AMOTL2: variants seen among roughly 807,000 people sequenced by gnomAD.
The protein encoded by AMOTL2 is angiomotin-like protein 2.
A neutral mutation model predicts 78.4 loss-of-function variants in AMOTL2; 33 were observed. The ratio of observed to expected loss-of-function variants is 0.42; its 90% CI spans 0.32 to 0.56. AMOTL2 has a LOEUF of 0.56. Ranked by LOEUF, AMOTL2 falls within the 20% of genes least tolerant of loss-of-function variation. The probability of loss-of-function intolerance (pLI) is 0.12; values close to 1 mark genes in which losing one functional copy is unlikely to be tolerated. For missense variants in AMOTL2, 983 were observed against 1,030.1 expected, an observed-to-expected ratio of 0.95 and a Z score of 0.63; for synonymous variants, 422 against 428.8, an observed-to-expected ratio of 0.98 and a Z score of 0.20.
In AMOTL2 at chr3:134,358,611, GTGC is replaced by G. The variant is rs2017187475; in HGVS notation, c.2210_2212del (p.Ser737del). The G allele has an allele frequency of 1.4e-5, 22 of 1,613,786 alleles. No homozygotes were observed. Among genetic ancestry groups the G allele is most frequent in the Non-Finnish European group, 1.9e-5 (22 of 1,179,932 alleles). On this transcript the variant is annotated inframe_deletion, in exon 9 of 10. Coordinates refer to ENST00000249883, the MANE Select transcript of AMOTL2 (RefSeq NM_016201.4). ...AGGCTCCGGTGGCAGGCAGGTGGAG[GTGC>G]TGTCTGGGGGGCCCTCAGTCTGGGT...
intron 8 of AMOTL2, 82 bp from the exon 9 acceptor site, chr3:134,358,801 T>C (rs1433937921): frequency 7.2e-6 from 11 of 1,537,460 alleles, no homozygotes; most frequent in Admixed American, 3.7e-5. Context: ...CTGTCCCTGC[T>C]GGGGATTCAA....
upstream of AMOTL2, chr3:134,374,899 G>A: frequency 4.8e-6 from 6 of 1,259,532 alleles, no homozygotes; most frequent in Non-Finnish European, 6.0e-6. Context: ...AGGGGACTCC[G>A]GCTGTGTGTG....
chr3:134,375,375 C>T (rs767718168), upstream of AMOTL2: 70 of 836,520 alleles, frequency 8.4e-5, no homozygotes, highest in Admixed American at 2.6e-4. Flanking sequence ...GACACCAGGG[C>T]TCAGAGAGCT....
intron 5 of AMOTL2, among the ~76,000 whole-genome samples, chr3:134,363,114 T>C (rs944316824): frequency 1.3e-5 from 2 of 152,206 alleles, no homozygotes; most frequent in East Asian, 1.9e-4. Flanking sequence ...ACCTATCATA[T>C]AGGACAGTGC....
chr3:134,361,315 C>T (rs2017349622), intron 6 of AMOTL2, among the ~76,000 whole-genome samples, 197 bp downstream of exon 6: 1 of 152,236 alleles, frequency 6.6e-6, no homozygotes, highest in Non-Finnish European at 1.5e-5. Flanking sequence ...TCTACTAAGA[C>T]AACGAGTGGA....
intron 6 of AMOTL2, 41 bp downstream of exon 6, chr3:134,361,471 T>TTC: frequency 1.3e-6 from 2 of 1,540,556 alleles, no homozygotes; most frequent in Non-Finnish European, 1.8e-6. Flanking sequence ...GAAGCCAACA[T>TTC]CCTCAGATGC....
chr3:134,361,450 G>C lies in AMOTL2; in HGVS notation c.1575+62C>G. The C allele has an allele frequency of 2.7e-6, 4 of 1,494,184 alleles. No individual in the cohort carries two copies. In the South Asian group the frequency reaches 5.3e-5, roughly 20 times the overall value. The allele number at this position is 1,494,184 out of a possible 1,614,324, so 92.6% of individuals were successfully genotyped here. ...CCTGGCCTCCAAACCTACAGTCCCC[G>C]AGGAGGAAGGGAAGCCAACATCCTC... is the stretch of plus-strand genomic sequence containing the variant. On this transcript the variant is annotated intron_variant, in intron 6 of 9. Coordinates refer to ENST00000249883, the MANE Select transcript of AMOTL2 (RefSeq NM_016201.4).
Position 134,371,076 on chromosome 3 carries a change from G to A in AMOTL2, c.358C>T (p.Gln120Ter). 6.2e-7 allele frequency: 1 copy of A among 1,611,408 alleles called. No homozygotes were observed. The highest frequency in any genetic ancestry group is 8.5e-7 in the Non-Finnish European group (1 of 1,178,942). ...AKAHSQYYAAQQAGTRPHAGD... is the reference protein window; with the variant it reads ...AKAHSQYYAA ...GCATGTGGCCGGGTCCCTGCCTGCT[G>A]GGCCGCATAGTACTGCGAGTGGGCT... The change falls in exon 2 of 10, where the codon CAG becomes TAG. Residue 120 changes from glutamine to a stop codon, truncating the protein, a stop_gained. Coordinates refer to ENST00000249883, the MANE Select transcript of AMOTL2 (RefSeq NM_016201.4). LOFTEE classifies it high-confidence loss of function.
At chr3:134,373,006 A>C (rs371627764) in intron 1 of AMOTL2, among the ~76,000 whole-genome samples, 30 of 152,182 alleles carry the variant, frequency 2.0e-4, no homozygotes, top group African/African-American at 7.0e-4. Flanking sequence ...GTCCTGCTTC[A>C]GTTTGGGCTA....
At chr3:134,362,648 G>C (rs1346861638) in intron 5 of AMOTL2, among the ~76,000 whole-genome samples, 1 of 152,240 alleles carries the variant, frequency 6.6e-6, no homozygotes, top group African/African-American at 2.4e-5. Flanking sequence ...TAGTGTGTAA[G>C]GGTCAAGCTA....
At chr3:134,365,683 C>T in intron 5 of AMOTL2, 134 bp downstream of exon 5, 1 of 724,298 alleles carries the variant, frequency 1.4e-6, no homozygotes, top group African/African-American at 1.8e-5. Context: ...TAGTGTTGGG[C>T]ATACAGTGGG....
Position 134,357,655 on chromosome 3 carries a change from A to C in AMOTL2, c.*50T>G. On this transcript the variant is annotated 3_prime_UTR_variant, in exon 10 of 10. Transcript: ENST00000249883. ...CTGCTGAAATGGCTGAGAGTGGCACAGGGCAGAGGAGGGGAGAGAATGGCT... is the reference window on the plus strand; with the variant it reads ...CTGCTGAAATGGCTGAGAGTGGCACCGGGCAGAGGAGGGGAGAGAATGGCT... 1 of 1,584,784 alleles carries C rather than the reference A, an allele frequency of 6.3e-7. No homozygotes were observed. Among genetic ancestry groups the C allele is most frequent in the Non-Finnish European group, 8.7e-7 (1 of 1,153,378 alleles).
chr3:134,367,650 T>C lies in AMOTL2; in HGVS notation c.888A>G (p.Pro296=), dbSNP rs1157810642. 1.9e-6 allele frequency: 3 copies of C among 1,613,240 alleles called. No homozygotes were observed. The highest frequency in any genetic ancestry group is 1.8e-4 in the Middle Eastern group (1 of 5,610). ...SSLSPPAVEG[P]VSAQASSATS... ...TGGCTGAGGAGGCCTGGGCACTCACTGGCCCCTCCACAGCAGGTGGACTGA... is the reference window on the plus strand; with the variant it reads ...TGGCTGAGGAGGCCTGGGCACTCACCGGCCCCTCCACAGCAGGTGGACTGA... Residue 296 remains proline (P), a synonymous_variant, in exon 3 of 10, where the codon CCA becomes CCG. Transcript: ENST00000249883.
intron 5 of AMOTL2, 55 bp from the exon 6 acceptor site, chr3:134,361,862 T>C: frequency 6.9e-7 from 1 of 1,456,582 alleles, no homozygotes; most frequent in Non-Finnish European, 9.2e-7. Context: ...CTGGCCCCAT[T>C]GCCTCCTGGG....
intron 5 of AMOTL2, among the ~76,000 whole-genome samples, chr3:134,364,526 C>T (rs1396765519): frequency 1.3e-5 from 2 of 151,846 alleles, no homozygotes; most frequent in African/African-American, 2.4e-5. Flanking sequence ...CCAGGGCTGC[C>T]CCCTCCCCTT....
At chr3:134,361,427 T>G in intron 6 of AMOTL2, 85 bp downstream of exon 6, 2 of 1,445,370 alleles carry the variant, frequency 1.4e-6, no homozygotes, top group Non-Finnish European at 1.8e-6. Flanking sequence ...GCCTCAGCCC[T>G]GGCCTCCAAA....
intron 6 of AMOTL2, among the ~76,000 whole-genome samples, chr3:134,361,128 G>A (rs556218388): frequency 5.9e-5 from 9 of 151,854 alleles, no homozygotes; most frequent in South Asian, 2.1e-4. Context: ...GAGCGTTCGC[G>A]CCACTGCACT....
At position 134,358,694 on chromosome 3, in the gene AMOTL2, T is replaced by G; in HGVS notation, c.2130A>C (p.Pro710=). Residue 710 remains proline (P), a synonymous_variant, in exon 9 of 10, where the codon CCA becomes CCC. Coordinates refer to ENST00000249883, the MANE Select transcript of AMOTL2 (RefSeq NM_016201.4). The stretch of plus-strand genomic sequence containing the variant: ...GGGCAGCAGGGGGAGCTGTGACCAC[T>G]GGCTCCTCTGTGGGTGCTCTGTCTG... ...TTADRAPTEE[P]VVTAPPAAHA... 1 of 1,614,146 alleles carries G rather than the reference T, an allele frequency of 6.2e-7. No homozygotes were observed. The highest frequency in any genetic ancestry group is 8.5e-7 in the Non-Finnish European group (1 of 1,180,018).
In AMOTL2 at chr3:134,371,192, C is replaced by T; in HGVS notation, c.242G>A (p.Gly81Asp). 3 of 1,613,832 alleles carry T rather than the reference C, an allele frequency of 1.9e-6. No homozygotes were observed. The highest frequency in any genetic ancestry group is 2.5e-6 in the Non-Finnish European group (3 of 1,179,962). ...GTTCTCTGCCAGGTGGTTCTCACCG[C>T]CCTGGTGCTCCTGGCCCTGGGGCTC... ...RQEPQGQEHQ[G>D]GENHLAENTL... The change falls in exon 2 of 10, where the codon GGC (glycine) becomes GAC (aspartate). Residue 81 changes from glycine (G) to aspartate (D), a missense_variant. Physicochemically the swap from Gly to Asp is moderately conservative, Grantham distance 94. Coordinates refer to ENST00000249883, the MANE Select transcript of AMOTL2 (RefSeq NM_016201.4).
Sources: gnomAD v4.1 joint callset for allele counts (sites outside exome capture counted in the v4.1 genomes callset) on GRCh38, gnomAD v4.1.1 for gene constraint, MANE v1.5 for transcripts, NCBI Gene and HGNC (gene_info 2026-07-23, HGNC 2026-07-21) for gene names.